Variants in LAS1L observed in about 807,000 individuals in gnomAD.
LAS1L encodes the protein LAS1 like ribosome biogenesis factor.
A neutral mutation model predicts 57.3 loss-of-function variants in LAS1L; 5 were observed. The ratio of observed to expected loss-of-function variants is 0.09; its 90% confidence interval spans 0.05 to 0.18. The LOEUF (loss-of-function observed/expected upper bound fraction) is 0.18, where lower values mean the gene tolerates loss of function less well. Ranked by LOEUF, LAS1L falls within the 10% of genes least tolerant of loss-of-function variation. The pLI, the probability that LAS1L is intolerant of heterozygous loss-of-function variation, is 1.00. For synonymous variants in LAS1L, 245 were observed against 231.7 expected (o/e 1.06, Z -0.52); for missense variants, 360 against 568.3 (o/e 0.63, Z 3.73).
intron 8 of LAS1L, among the ~76,000 whole-genome samples, 152 bp from the exon 9 acceptor site, chrX:65,524,766 C>A (rs966181316): frequency 2.4e-4 from 17 of 70,013 alleles, no homozygotes; most frequent in Admixed American, 7.2e-4. Flanking sequence ...CCACCCCATT[C>A]CAGAGCACTT....
At chrX:65,513,044 A>G (rs2068501990) in intron 13 of LAS1L, 143 bp from the exon 14 acceptor site, 2 of 616,310 alleles carry the variant, frequency 3.2e-6, no homozygotes, top group East Asian at 7.4e-5. Flanking sequence ...AATCCGAGAA[A>G]CGACTTCGTG....
intron 7 of LAS1L, 117 bp from the exon 8 acceptor site, chrX:65,525,167 G>A (rs1395336824): frequency 1.8e-6 from 1 of 551,279 alleles, no homozygotes; most frequent in Non-Finnish European, 3.0e-6. Context: ...AGCAGCATAG[G>A]GAGGAGGGGT....
chrX:65,523,378 G>A (rs1310787479), intron 11 of LAS1L, 182 bp downstream of exon 11: 9 of 410,812 alleles, frequency 2.2e-5, no homozygotes, highest in Non-Finnish European at 4.1e-6. Context: ...TAAGCTGTAT[G>A]ATCTTAGGTA....
intron 2 of LAS1L, 84 bp downstream of exon 2, chrX:65,533,526 T>C: frequency 1.9e-6 from 2 of 1,032,596 alleles, no homozygotes; most frequent in Non-Finnish European, 2.7e-6. Flanking sequence ...AGGTAACACC[T>C]GAAGCCAAGT....
intron 6 of LAS1L, among the ~76,000 whole-genome samples, chrX:65,528,831 T>C (rs1316130161): frequency 8.9e-6 from 1 of 112,228 alleles, no homozygotes; most frequent in East Asian, 2.8e-4. Flanking sequence ...CTGAGCTAAA[T>C]GGTTTCTGAG....
intron 13 of LAS1L, among the ~76,000 whole-genome samples, chrX:65,513,278 C>T (rs1000635272): frequency 2.7e-5 from 3 of 112,281 alleles, no homozygotes; most frequent in South Asian, 7.3e-4. Context: ...AGCTTGGGGG[C>T]CTGGATCCCT....
chrX:65,534,185 G>T (rs2069680265), intron 1 of LAS1L, among the ~76,000 whole-genome samples: 2 of 112,035 alleles, frequency 1.8e-5, no homozygotes, highest in Non-Finnish European at 1.9e-5. Flanking sequence ...CCTGGCTCAG[G>T]CCTCACTAGT....
chrX:65,517,036 C>T (rs1051069836), intron 12 of LAS1L, among the ~76,000 whole-genome samples: 1 of 110,547 alleles, frequency 9.0e-6, no homozygotes, highest in Non-Finnish European at 1.9e-5. Flanking sequence ...CTGTGTGTTC[C>T]GGCCTCCGAG....
chrX:65,519,973 A>G (rs2068785331), intron 11 of LAS1L, among the ~76,000 whole-genome samples: 1 of 112,143 alleles, frequency 8.9e-6, no homozygotes, highest in African/African-American at 3.2e-5. Flanking sequence ...ATGAAAAGCC[A>G]GAGAGAAACT....
At chrX:65,518,658 C>A (rs2068736140) in intron 11 of LAS1L, 193 bp from the exon 12 acceptor site, 1 of 484,485 alleles carries the variant, frequency 2.1e-6, no homozygotes, top group Non-Finnish European at 2.5e-6. Flanking sequence ...CTCTGTGCCT[C>A]ACTTCCATTC....
Position 65,524,950 on chromosome X carries a change from C to A in LAS1L, c.1042+15G>T, listed in dbSNP as rs772131205. The stretch of plus-strand genomic sequence containing the variant: ...ATCAGAACCCTAAGGGTGCAGTGAG[C>A]CCCCAGAACCCTACCTTCATATTCT... On this transcript the variant is annotated intron_variant, in intron 8 of 13. Transcript: ENST00000374811. 8.4e-7 allele frequency: 1 copy of A among 1,186,129 alleles called. No individual in the cohort carries two copies. The highest frequency in any genetic ancestry group is 3.0e-5 in the East Asian group (1 of 33,622).
intron 10 of LAS1L, 39 bp downstream of exon 10, chrX:65,524,017 G>A: frequency 8.7e-7 from 1 of 1,150,338 alleles, no homozygotes; most frequent in African/African-American, 1.8e-5. Context: ...TCCTGCCTGG[G>A]CTGCCTTAGG....
chrX:65,522,368 C>T (rs1213946705), intron 11 of LAS1L: 1 of 109,472 alleles, frequency 9.1e-6, no homozygotes, highest in Non-Finnish European at 1.9e-5. Flanking sequence ...AGAAAGTGGT[C>T]AGAAAACAAG....
In LAS1L at chrX:65,518,407, T is replaced by G; in HGVS notation, c.1507A>C (p.Ile503Leu). ...PDEEQEKLLR[I>L]CSIYTQSGEN... The stretch of plus-strand genomic sequence containing the variant: ...CCACTCTGGGTATAAATGGAACAGA[T>G]GCGCAGCAGCTTCTCCTGCTCCTCG... Residue 503 changes from isoleucine (I) to leucine (L), a missense_variant, in exon 12 of 14, where the codon ATC becomes CTC. This residue lies in a region of LAS1L where 81 missense variants were observed against 192.1 expected (regional missense o/e 0.42). Transcript: ENST00000374811. 8.3e-7 allele frequency: 1 copy of G among 1,211,336 alleles called. No homozygotes were observed. Among genetic ancestry groups the G allele is most frequent in the Non-Finnish European group, 1.1e-6 (1 of 895,072 alleles).
At chrX:65,514,536 AC>A (rs1224558059) in intron 13 of LAS1L, among the ~76,000 whole-genome samples, 2 of 19,417 alleles carry the variant, frequency 1.0e-4, no homozygotes, top group Non-Finnish European at 3.0e-3. Flanking sequence ...GTGTGCCTGC[AC>A]ACACACACAC....
chrX:65,517,442 A>G (rs1281714948), intron 12 of LAS1L, among the ~76,000 whole-genome samples: 3 of 108,994 alleles, frequency 2.8e-5, no homozygotes, highest in East Asian at 5.8e-4. Context: ...TAGTAGAGAC[A>G]CGGTTTCACC....
intron 6 of LAS1L, 136 bp downstream of exon 6, chrX:65,529,076 C>G: frequency 5.4e-6 from 3 of 555,795 alleles, no homozygotes; most frequent in Non-Finnish European, 9.5e-6. Context: ...TCCCCCCTCT[C>G]TCTTTCCGAG....
At chrX:65,513,268 A>G (rs1358408196) in intron 13 of LAS1L, among the ~76,000 whole-genome samples, 9 of 112,245 alleles carry the variant, frequency 8.0e-5, no homozygotes, top group Non-Finnish European at 1.5e-4. Context: ...AAGGCCTTAG[A>G]GCTTGGGGGC....
intron 9 of LAS1L, 55 bp downstream of exon 9, chrX:65,524,509 A>T (rs2069026178): frequency 5.8e-6 from 3 of 514,491 alleles, no homozygotes; most frequent in Non-Finnish European, 1.1e-5. Flanking sequence ...GACTCAAAAT[A>T]AAGTATAAAC....
Sources: gnomAD v4.1 joint callset for allele counts (sites outside exome capture counted in the v4.1 genomes callset) on GRCh38, gnomAD v4.1.1 for gene constraint, gnomAD v4.1.1 regional missense constraint, MANE v1.5 for transcripts, NCBI Gene and HGNC (gene_info 2026-07-23, HGNC 2026-07-21) for gene names.